Variants in GRM7 observed in about 807,000 individuals in gnomAD.
GRM7 encodes the protein metabotropic glutamate receptor 7.
GRM7 carries 35 observed loss-of-function variants against 84.5 expected under a neutral mutation model. The observed-to-expected ratio is 0.41, with a 90% confidence interval of 0.32 to 0.55. GRM7 has a LOEUF of 0.55. Ranked by LOEUF, GRM7 falls within the 20% of genes least tolerant of loss-of-function variation. GRM7 has a pLI of 0.19. For missense variants in GRM7, 1,003 were observed against 1,194.6 expected (o/e 0.84, Z 2.36); for synonymous variants, 487 against 455.1 (o/e 1.07, Z -0.89).
intron 4 of GRM7, among the ~76,000 whole-genome samples, chr3:7,368,016 AG>A (rs1416712522): frequency 7.8e-6 from 1 of 128,842 alleles, no homozygotes; most frequent in African/African-American, 2.6e-5. Context: ...CAAATCCTTA[AG>A]AAAAAATTCT....
At chr3:6,923,644 A>G (rs6779549) in intron 1 of GRM7, among the ~76,000 whole-genome samples, 92 of 152,128 alleles carry the variant, frequency 6.0e-4, no homozygotes, top group Non-Finnish European at 1.1e-3. Flanking sequence ...GGACTGACAG[A>G]TGGAATGGTT....
intron 1 of GRM7, among the ~76,000 whole-genome samples, chr3:7,136,700 CT>C (rs1444227614): frequency 1.3e-5 from 2 of 152,100 alleles, no homozygotes; most frequent in African/African-American, 2.4e-5. Context: ...AATCTGTTCT[CT>C]TAGCTTATTC....
chr3:6,903,835 G>A (rs532642193), intron 1 of GRM7, among the ~76,000 whole-genome samples: 5 of 152,264 alleles, frequency 3.3e-5, no homozygotes, highest in Admixed American at 1.3e-4. Flanking sequence ...AAATTCACAT[G>A]TAATTTTTGT....
At chr3:7,086,795 A>T (rs999425568) in intron 1 of GRM7, among the ~76,000 whole-genome samples, 10 of 152,240 alleles carry the variant, frequency 6.6e-5, no homozygotes, top group African/African-American at 2.4e-4. Flanking sequence ...TAAGAAAAAG[A>T]TAACAGATAA....
Position 6,867,779 on chromosome 3 carries a change from A to G in GRM7, c.519+5872A>G, listed in dbSNP as rs185747195. Among the ~76,000 whole-genome samples, 11 of 152,336 alleles carry G rather than the reference A, an allele frequency of 7.2e-5. No individual in the cohort carries two copies. The East Asian group carries it at 1.9e-3, about 27-fold the overall frequency. On this transcript the variant is annotated intron_variant, in intron 1 of 9. Coordinates refer to ENST00000357716, the MANE Select transcript of GRM7 (RefSeq NM_000844.4). ...TTTTGTGAATTGACACAGTCAATAT[A>G]TATGTTTTCTGCACATAAAAAATCA...
chr3:6,955,198 A>T (rs1382878157), intron 1 of GRM7, among the ~76,000 whole-genome samples: 1 of 152,082 alleles, frequency 6.6e-6, no homozygotes, highest in Non-Finnish European at 1.5e-5. Flanking sequence ...ACAAGATTGT[A>T]AACAATTATA....
chr3:7,517,794 T>C (rs1172887451), intron 7 of GRM7, among the ~76,000 whole-genome samples: 1 of 152,240 alleles, frequency 6.6e-6, no homozygotes, highest in East Asian at 1.9e-4. Context: ...TTCATAATGA[T>C]TCAATACATC....
At chr3:7,331,812 T>A (rs1701219188) in intron 4 of GRM7, among the ~76,000 whole-genome samples, 1 of 152,208 alleles carries the variant, frequency 6.6e-6, no homozygotes, top group Non-Finnish European at 1.5e-5. Context: ...CTCTAAGGGC[T>A]CTACCATTAT....
chr3:6,912,999 C>T (rs970261854), intron 1 of GRM7, among the ~76,000 whole-genome samples: 5 of 152,110 alleles, frequency 3.3e-5, no homozygotes, highest in African/African-American at 1.2e-4. Flanking sequence ...TTATTCCCTT[C>T]CCTCCACTGA....
At chr3:7,711,873 C>G (rs1015500890) in intron 9 of GRM7, among the ~76,000 whole-genome samples, 1 of 152,188 alleles carries the variant, frequency 6.6e-6, no homozygotes, top group East Asian at 1.9e-4. Flanking sequence ...GTCGGCTTAC[C>G]TCCTGTTCTT....
At chr3:7,565,465 C>T (rs1694216469) in intron 7 of GRM7, among the ~76,000 whole-genome samples, 1 of 152,170 alleles carries the variant, frequency 6.6e-6, no homozygotes, top group South Asian at 2.1e-4. Context: ...AAACAATGCT[C>T]ATTCCAGTGG....
At chr3:7,399,250 C>G (rs1391104427) in intron 4 of GRM7, among the ~76,000 whole-genome samples, 1 of 151,838 alleles carries the variant, frequency 6.6e-6, no homozygotes, top group Non-Finnish European at 1.5e-5. Context: ...CACCCTCTAC[C>G]TTGTTCTCTA....
intron 1 of GRM7, among the ~76,000 whole-genome samples, chr3:7,136,184 A>AC (rs1008506604): frequency 1.3e-5 from 2 of 149,566 alleles, no homozygotes; most frequent in African/African-American, 4.9e-5. Context: ...ATTTTTATTC[A>AC]TTTTTTTTTT....
chr3:7,561,038 G>C (rs945425943), intron 7 of GRM7, among the ~76,000 whole-genome samples: 1 of 152,040 alleles, frequency 6.6e-6, no homozygotes, highest in East Asian at 1.9e-4. Flanking sequence ...GCCTGCCTGT[G>C]TCTTAGTCTC....
chr3:7,439,307 C>G (rs1273453944), intron 5 of GRM7, among the ~76,000 whole-genome samples: 1 of 152,180 alleles, frequency 6.6e-6, no homozygotes, highest in Admixed American at 6.5e-5. Flanking sequence ...GCAATATTTA[C>G]TGTCTGGAAT....
At chr3:7,204,063 T>C (rs9853055) in intron 2 of GRM7, among the ~76,000 whole-genome samples, 54,487 of 152,056 alleles carry the variant, frequency 0.36, 10,036 homozygotes, top group Non-Finnish European at 0.39. Flanking sequence ...ATTAGAAAAG[T>C]AAATTCAGAC....
chr3:7,495,062 T>C (rs1467073141), intron 7 of GRM7, among the ~76,000 whole-genome samples: 1 of 152,212 alleles, frequency 6.6e-6, no homozygotes, highest in Non-Finnish European at 1.5e-5. Flanking sequence ...GTGTCTTATA[T>C]ATATGTTTTA....
At chr3:6,914,290 T>C in intron 1 of GRM7, among the ~76,000 whole-genome samples, 1 of 152,236 alleles carries the variant, frequency 6.6e-6, no homozygotes, top group Admixed American at 6.5e-5. Flanking sequence ...ATGGTTATAT[T>C]GCTTCCACAG....
At chr3:7,140,723 G>T (rs1039383410) in intron 1 of GRM7, among the ~76,000 whole-genome samples, 1 of 151,976 alleles carries the variant, frequency 6.6e-6, no homozygotes, top group Non-Finnish European at 1.5e-5. Flanking sequence ...TCCTGAGGAA[G>T]TACGGTTCTG....
Sources: gnomAD v4.1 joint callset for allele counts (sites outside exome capture counted in the v4.1 genomes callset) on GRCh38, gnomAD v4.1.1 for gene constraint, MANE v1.5 for transcripts, NCBI Gene and HGNC (gene_info 2026-07-23, HGNC 2026-07-21) for gene names.